RPS10: variants seen among roughly 807,000 people sequenced by gnomAD.
The protein encoded by RPS10 is ribosomal protein S10, also known as small ribosomal subunit protein eS10.
RPS10 carries 2 observed loss-of-function variants against 22.6 expected under a neutral mutation model. The observed-to-expected ratio is 0.09, with a 90% CI of 0.04 to 0.28. RPS10 has a LOEUF of 0.28. Ranked by LOEUF, RPS10 falls within the 10% of genes least tolerant of loss-of-function variation. RPS10 has a pLI of 1.00. For missense variants in RPS10, 137 were observed against 222.2 expected, an observed-to-expected ratio of 0.62 and a Z score of 2.44; for synonymous variants, 70 against 75.9, an observed-to-expected ratio of 0.92 and a Z score of 0.40.
chr6:34,420,317 G>A (rs113066943), intron 4 of RPS10, among the ~76,000 whole-genome samples: 146 of 152,236 alleles, frequency 9.6e-4, no homozygotes, highest in African/African-American at 3.0e-3. Context: ...CCAGGTTCAA[G>A]CAATTCTCCC....
intron 4 of RPS10, 139 bp from the exon 5 acceptor site, chr6:34,418,563 G>A (rs984572600): frequency 4.5e-6 from 6 of 1,340,066 alleles, no homozygotes; most frequent in African/African-American, 4.4e-5. Context: ...CACCAGTGGT[G>A]GGGAATACCT....
intron 1 of RPS10, 154 bp from the exon 2 acceptor site, chr6:34,425,375 C>G: frequency 1.1e-6 from 1 of 911,960 alleles, no homozygotes; most frequent in Non-Finnish European, 1.7e-6. Context: ...CAGAGGCCAG[C>G]TCCGTCAGTC....
intron 4 of RPS10, among the ~76,000 whole-genome samples, chr6:34,419,917 C>G (rs962856378): frequency 6.6e-6 from 1 of 152,032 alleles, no homozygotes; most frequent in African/African-American, 2.4e-5. Flanking sequence ...GGGTCTCACT[C>G]TGTTGCCCAG....
chr6:34,423,043 G>A (rs1464381604), intron 3 of RPS10, among the ~76,000 whole-genome samples: 3 of 152,086 alleles, frequency 2.0e-5, no homozygotes, highest in Non-Finnish European at 4.4e-5. Context: ...TCGTGACACT[G>A]CACTCCAGCC....
At chr6:34,423,463 T>C (rs765514583) in intron 3 of RPS10, among the ~76,000 whole-genome samples, 1 of 152,202 alleles carries the variant, frequency 6.6e-6, no homozygotes, top group Non-Finnish European at 1.5e-5. Context: ...AGAAATAAAT[T>C]AATCATGTAA....
chr6:34,426,053 T>C lies in RPS10; in HGVS notation c.-22A>G, dbSNP rs982825417. 12 of 152,360 alleles carry C rather than the reference T, an allele frequency of 7.9e-5. No homozygotes were observed. The highest frequency in any genetic ancestry group is 2.9e-4 in the African/African-American group (12 of 41,450). The allele number at this position is 152,360 out of a possible 1,614,324, so 9.4% of individuals were successfully genotyped here. A position where few individuals can be genotyped will look rare whatever the true frequency, so the allele number is the denominator to read the frequency against. ...TCACCTCTGCGGCTGCAGGGTCCGG[T>C]ACCGGGGCTGGAAAGGAAGGAGCAT... On this transcript the variant is annotated 5_prime_UTR_variant, in exon 1 of 6. Transcript: ENST00000648437.
At chr6:34,420,314 C>G (rs969756372) in intron 4 of RPS10, among the ~76,000 whole-genome samples, 2 of 152,100 alleles carry the variant, frequency 1.3e-5, no homozygotes, top group Non-Finnish European at 2.9e-5. Flanking sequence ...CTCCCAGGTT[C>G]AAGCAATTCT....
At chr6:34,418,478 AC>A (rs781063077) in intron 4 of RPS10, 54 bp from the exon 5 acceptor site, 29 of 1,612,746 alleles carry the variant, frequency 1.8e-5, no homozygotes, top group Non-Finnish European at 2.4e-5. Context: ...CTACTATAGA[AC>A]AAGGGAAGAC....
intron 3 of RPS10, among the ~76,000 whole-genome samples, chr6:34,423,546 T>C (rs1362095734): frequency 6.6e-6 from 1 of 152,214 alleles, no homozygotes; most frequent in Admixed American, 6.5e-5. Context: ...TGGTATTTTT[T>C]TCTCCCAGGA....
chr6:34,421,446 C>CT (rs371957849), intron 4 of RPS10, among the ~76,000 whole-genome samples: 216 of 151,796 alleles, frequency 1.4e-3, no homozygotes, highest in Non-Finnish European at 2.4e-3. Flanking sequence ...GACCCCCCCC[C>CT]TCCAACCAAA....
intron 1 of RPS10, 39 bp downstream of exon 1, chr6:34,425,993 G>C (rs1261853971): frequency 1.3e-5 from 2 of 152,630 alleles, no homozygotes; most frequent in Non-Finnish European, 2.9e-5. Context: ...GGATAGCCCG[G>C]ATGGGAGCCG....
rs753811128 is a variant in RPS10, at chr6:34,424,805, A to G, written c.186T>C (p.Phe62=). The change falls in exon 3 of 6, where the codon TTT becomes TTC. Residue 62 remains phenylalanine (F), a synonymous_variant. Coordinates refer to ENST00000648437, the MANE Select transcript of RPS10 (RefSeq NM_001014.5). The part of the protein sequence containing the change: ...LKSRGYVKEQ[F]AWRHFYWYLT... ...GGTACCAGTAGAAATGTCTCCAGGC[A>G]AACTGTTCCTTCACGTAGCCTCGGG... 21 of 1,614,018 alleles carry G rather than the reference A, an allele frequency of 1.3e-5. No homozygotes were observed. In the Admixed American group the frequency reaches 3.3e-4, roughly 26 times the overall value.
chr6:34,421,674 T>C, intron 4 of RPS10, 56 bp downstream of exon 4: 1 of 1,601,644 alleles, frequency 6.2e-7, no homozygotes, highest in Non-Finnish European at 8.5e-7. Context: ...GAGCCAGCTG[T>C]GAGAATCCAG....
intron 3 of RPS10, among the ~76,000 whole-genome samples, chr6:34,423,594 C>G (rs916361980): frequency 4.6e-5 from 7 of 152,092 alleles, no homozygotes; most frequent in Admixed American, 1.3e-4. Flanking sequence ...GCTAAAAAGA[C>G]GTATTATGGG....
In RPS10 at chr6:34,418,432, G is replaced by A. The variant is rs1255673919; in HGVS notation, c.401-8C>T. The A allele has an allele frequency of 6.2e-7, 1 of 1,614,084 alleles. No individual in the cohort carries two copies. Among genetic ancestry groups the A allele is most frequent in the Non-Finnish European group, 8.5e-7 (1 of 1,180,036 alleles). On this transcript the variant is annotated splice_polypyrimidine_tract_variant and splice_region_variant and intron_variant, in intron 4 of 5. Coordinates refer to ENST00000648437, the MANE Select transcript of RPS10 (RefSeq NM_001014.5). ...CTTTCTTGTCGGCACCAGCTAGAAA[G>A]TGAAACATCGATTTAGAATCATCAT...
intron 1 of RPS10, chr6:34,425,503 G>GA (rs1765926504): frequency 4.9e-6 from 2 of 408,494 alleles, no homozygotes; most frequent in Non-Finnish European, 9.3e-6. Flanking sequence ...CAATGGGGGG[G>GA]AGAGGAGCAA....
chr6:34,424,453 A>T (rs549318747), intron 3 of RPS10: 5 of 583,318 alleles, frequency 8.6e-6, no homozygotes, highest in Non-Finnish European at 1.5e-5. Flanking sequence ...GAAGAAAGTG[A>T]CAGACTATCT....
chr6:34,423,028 T>C (rs1581929003), intron 3 of RPS10, among the ~76,000 whole-genome samples: 1 of 152,018 alleles, frequency 6.6e-6, no homozygotes. Flanking sequence ...TGCAGTAAAT[T>C]GGGATCGTGA....
chr6:34,424,860 T>C lies in RPS10; in HGVS notation c.151-20A>G, dbSNP rs780679551. On this transcript the variant is annotated intron_variant, in intron 2 of 5. Transcript: ENST00000648437. The stretch of plus-strand genomic sequence containing the variant: ...GAGAGACTGTAAGGCAGAAAACTAC[T>C]GTTAAGGCGTTAAGTAGAAGCTTGG... 31 of 1,613,560 alleles carry C rather than the reference T, an allele frequency of 1.9e-5. No individual in the cohort carries two copies. Among genetic ancestry groups the C allele is most frequent in the South Asian group, 9.9e-5 (9 of 91,062 alleles).
Sources: allele counts gnomAD v4.1 joint callset (sites outside exome capture counted in the v4.1 genomes callset), GRCh38; gene constraint gnomAD v4.1.1; transcripts MANE v1.5; gene names NCBI Gene and HGNC (gene_info 2026-07-23, HGNC 2026-07-21).